The following NOCT variants were observed in gnomAD, a reference collection of about 807,000 sequenced individuals.
NOCT encodes the protein nocturnin.
A neutral mutation model predicts 35.0 loss-of-function variants in NOCT; 18 were observed. That is an observed-to-expected ratio of 0.51 (90% CI 0.36 to 0.76). The LOEUF (loss-of-function observed/expected upper bound fraction) is 0.76, where lower values mean the gene tolerates loss of function less well. Ranked by LOEUF, NOCT falls within the 30% of genes least tolerant of loss-of-function variation. The pLI, the probability that NOCT is intolerant of heterozygous loss-of-function variation, is 0.01. For missense variants in NOCT, 479 were observed against 541.0 expected (o/e 0.89, Z 1.14); for synonymous variants, 235 against 226.3 (o/e 1.04, Z -0.34).
intron 1 of NOCT, among the ~76,000 whole-genome samples, chr4:139,024,915 T>G (rs1726484695): frequency 6.6e-6 from 1 of 152,192 alleles, no homozygotes; most frequent in Non-Finnish European, 1.5e-5. Context: ...GTTTTGCATG[T>G]TCTGAGTGGG....
At position 139,016,172 on chromosome 4, in the gene NOCT, G is replaced by GT; in HGVS notation, c.190+2dup. 8.0e-7 allele frequency: 1 copy of GT among 1,251,894 alleles called. No individual in the cohort carries two copies. Among genetic ancestry groups the GT allele is most frequent in the Non-Finnish European group, 1.0e-6 (1 of 999,874 alleles). 77.5% of individuals were successfully genotyped at this position (1,251,894 alleles called of 1,614,324 possible). A position where few individuals can be genotyped will look rare whatever the true frequency, so the allele number is the denominator to read the frequency against. On this transcript the variant is annotated splice_donor_variant, in intron 1 of 2. Coordinates refer to ENST00000280614, the MANE Select transcript of NOCT (RefSeq NM_012118.4). LOFTEE classifies it high-confidence loss of function. ...GCCGCGAGGTCGTGTTCCCGAACAG[G>GT]TGAGTGCACCCCAGTTCCGGGCGGA...
At chr4:139,037,733 G>A (rs1011558740) in intron 1 of NOCT, among the ~76,000 whole-genome samples, 1 of 152,074 alleles carries the variant, frequency 6.6e-6, no homozygotes, top group Admixed American at 6.6e-5. Context: ...AGAGAAGTAA[G>A]CAGATCTTGG....
intron 1 of NOCT, 41 bp downstream of exon 1, chr4:139,016,212 C>T (rs1402359091): frequency 6.7e-6 from 8 of 1,201,590 alleles, no homozygotes; most frequent in Middle Eastern, 3.2e-4. Flanking sequence ...GCCACGGCCG[C>T]CAACGCGCGG....
chr4:139,035,348 C>T (rs2148645845), intron 1 of NOCT, among the ~76,000 whole-genome samples: 1 of 152,248 alleles, frequency 6.6e-6, no homozygotes, highest in African/African-American at 2.4e-5. Context: ...GTTGCCCAGG[C>T]TGGTCTCAAA....
chr4:139,044,308 C>A (rs1004878787), intron 2 of NOCT, among the ~76,000 whole-genome samples: 2 of 151,876 alleles, frequency 1.3e-5, no homozygotes, highest in South Asian at 2.1e-4. Flanking sequence ...TTTAAAAAAA[C>A]CAAAAAAATT....
intron 1 of NOCT, among the ~76,000 whole-genome samples, chr4:139,038,231 AAGTT>A (rs1012514289): frequency 1.4e-4 from 22 of 151,818 alleles, no homozygotes; most frequent in Admixed American, 8.5e-4. Flanking sequence ...AAATTTTAAA[AAGTT>A]AGGTAAGCAG....
intron 2 of NOCT, 86 bp downstream of exon 2, chr4:139,043,429 G>C (rs1560735013): frequency 2.2e-6 from 3 of 1,353,758 alleles, no homozygotes; most frequent in Non-Finnish European, 3.1e-6. Flanking sequence ...ACTGTTTTAT[G>C]TGGAAGGAAG....
intron 1 of NOCT, among the ~76,000 whole-genome samples, chr4:139,028,893 G>C (rs565660568): frequency 1.3e-5 from 2 of 152,168 alleles, no homozygotes; most frequent in African/African-American, 4.8e-5. Context: ...CCAGGCTGGA[G>C]TGCAGTGGCG....
At chr4:139,033,961 T>A (rs1355302028) in intron 1 of NOCT, among the ~76,000 whole-genome samples, 1 of 152,130 alleles carries the variant, frequency 6.6e-6, no homozygotes. Context: ...TGGATTTAAA[T>A]GATCCACCCA....
At chr4:139,038,161 C>T (rs752395473) in intron 1 of NOCT, among the ~76,000 whole-genome samples, 68 of 152,208 alleles carry the variant, frequency 4.5e-4, no homozygotes, top group Admixed American at 1.8e-3. Flanking sequence ...GATCACGCCA[C>T]TGCATTCCAG....
chr4:139,019,751 T>G (rs1269039549), intron 1 of NOCT, among the ~76,000 whole-genome samples: 1 of 152,036 alleles, frequency 6.6e-6, no homozygotes, highest in Non-Finnish European at 1.5e-5. Context: ...TTTGGCTTTC[T>G]TTTCTCAAGG....
intron 1 of NOCT, among the ~76,000 whole-genome samples, chr4:139,034,914 C>T (rs1726701966): frequency 6.6e-6 from 1 of 152,132 alleles, no homozygotes; most frequent in African/African-American, 2.4e-5. Flanking sequence ...TGCAGATTTC[C>T]CAGATCTCAA....
intron 1 of NOCT, among the ~76,000 whole-genome samples, chr4:139,025,371 C>A (rs919202530): frequency 1.3e-5 from 2 of 152,176 alleles, no homozygotes; most frequent in African/African-American, 4.8e-5. Context: ...ACCACATTTA[C>A]CTTTGGTAAC....
At chr4:139,027,850 T>C (rs1417700386) in intron 1 of NOCT, among the ~76,000 whole-genome samples, 4 of 152,102 alleles carry the variant, frequency 2.6e-5, no homozygotes, top group African/African-American at 9.7e-5. Flanking sequence ...TGTCATGAAA[T>C]ATTACTGTTC....
At chr4:139,034,605 A>C (rs878880182) in intron 1 of NOCT, among the ~76,000 whole-genome samples, 1 of 151,690 alleles carries the variant, frequency 6.6e-6, no homozygotes, top group Non-Finnish European at 1.5e-5. Flanking sequence ...GGGTCTTGCT[A>C]TGTCACCCAG....
intron 1 of NOCT, among the ~76,000 whole-genome samples, chr4:139,019,276 A>G (rs1726368532): frequency 6.6e-6 from 1 of 151,294 alleles, no homozygotes; most frequent in East Asian, 1.9e-4. Flanking sequence ...CTCGTCTCAA[A>G]CTCCCCAGCT....
At chr4:139,033,678 CA>C (rs761210940) in intron 1 of NOCT, among the ~76,000 whole-genome samples, 1,936 of 128,958 alleles carry the variant, frequency 0.015, 33 homozygotes, top group African/African-American at 0.046. Flanking sequence ...ACCCTGTCTC[CA>C]AAAAAAAAAA....
At chr4:139,016,969 G>A (rs201319382) in intron 1 of NOCT, among the ~76,000 whole-genome samples, 6 of 11,392 alleles carry the variant, frequency 5.3e-4, no homozygotes, top group Non-Finnish European at 7.0e-4. Flanking sequence ...CGTTTCTTTG[G>A]ATTTTTTTTT....
At chr4:139,019,646 A>G (rs1172091289) in intron 1 of NOCT, among the ~76,000 whole-genome samples, 2 of 152,146 alleles carry the variant, frequency 1.3e-5, no homozygotes, top group African/African-American at 2.4e-5. Flanking sequence ...CCCCTTGGCA[A>G]TTGGTAGTTA....
Sources: gnomAD v4.1 joint callset for allele counts (sites outside exome capture counted in the v4.1 genomes callset) on GRCh38, gnomAD v4.1.1 for gene constraint, MANE v1.5 for transcripts, NCBI Gene and HGNC (gene_info 2026-07-23, HGNC 2026-07-21) for gene names.